RIMS2: variants seen among roughly 807,000 people sequenced by gnomAD.
The protein encoded by RIMS2 is regulating synaptic membrane exocytosis 2, also known as regulating synaptic membrane exocytosis protein 2.
In RIMS2, 59 loss-of-function variants were observed where a neutral mutation model predicts 174.4. That is an observed-to-expected ratio of 0.34 (90% confidence interval 0.27 to 0.42). The LOEUF is 0.42. Ranked by LOEUF, RIMS2 falls within the 10% of genes least tolerant of loss-of-function variation. The pLI is 1.00. For synonymous variants in RIMS2, 606 were observed against 572.5 expected (o/e 1.06, Z -0.84); for missense variants, 1,620 against 1,666.3 (o/e 0.97, Z 0.48).
chr8:103,997,607 A>G (rs867079795), intron 17 of RIMS2, among the ~76,000 whole-genome samples: 1 of 151,844 alleles, frequency 6.6e-6, no homozygotes, highest in Middle Eastern at 3.4e-3. Context: ...ATAGCATGTA[A>G]TACATAATAC....
chr8:104,127,990 T>C (rs1172368343), intron 19 of RIMS2, among the ~76,000 whole-genome samples: 1 of 152,206 alleles, frequency 6.6e-6, no homozygotes, highest in African/African-American at 2.4e-5. Context: ...GAGTATATCT[T>C]AACTCATGTA....
At chr8:104,179,935 C>T (rs1048252921) in intron 19 of RIMS2, among the ~76,000 whole-genome samples, 2 of 151,776 alleles carry the variant, frequency 1.3e-5, no homozygotes, top group African/African-American at 4.8e-5. Context: ...CAGACTTTAT[C>T]ATACATTCCA....
At chr8:104,111,595 A>T (rs1367300886) in intron 19 of RIMS2, among the ~76,000 whole-genome samples, 1 of 152,062 alleles carries the variant, frequency 6.6e-6, no homozygotes, top group Non-Finnish European at 1.5e-5. Flanking sequence ...TTTAATAGAG[A>T]TGGGGTTTCA....
intron 19 of RIMS2, among the ~76,000 whole-genome samples, chr8:104,195,975 T>G (rs1464763498): frequency 6.6e-6 from 1 of 152,162 alleles, no homozygotes. Context: ...GATAAAATGC[T>G]TAGCTCTTTA....
intron 19 of RIMS2, among the ~76,000 whole-genome samples, chr8:104,195,026 G>A (rs1367992409): frequency 2.6e-5 from 4 of 152,180 alleles, no homozygotes; most frequent in African/African-American, 9.6e-5. Flanking sequence ...ACTGCTGAAA[G>A]CTTTTTAAGC....
At chr8:103,689,125 A>C (rs1004719250) in intron 1 of RIMS2, among the ~76,000 whole-genome samples, 9 of 152,044 alleles carry the variant, frequency 5.9e-5, no homozygotes, top group African/African-American at 2.2e-4. Context: ...GTCATTCAGG[A>C]GCATATTGTT....
chr8:103,862,053 G>A (rs963458199), intron 3 of RIMS2, among the ~76,000 whole-genome samples: 4 of 151,918 alleles, frequency 2.6e-5, no homozygotes. Flanking sequence ...CTTTGCCTAG[G>A]CCAATGTCTG....
chr8:103,601,460 A>G (rs1379332328), intron 1 of RIMS2, among the ~76,000 whole-genome samples: 5 of 151,276 alleles, frequency 3.3e-5, no homozygotes, highest in African/African-American at 1.2e-4. Context: ...CTTGAAATCT[A>G]TTTTGTCTGA....
intron 3 of RIMS2, among the ~76,000 whole-genome samples, chr8:103,877,874 GT>G (rs1190803916): frequency 6.6e-6 from 1 of 151,728 alleles, no homozygotes; most frequent in Non-Finnish European, 1.5e-5. Context: ...AGCATGGGAT[GT>G]TTATCCATTT....
chr8:103,516,353 AAAAATTTC>A (rs1418481448), intron 1 of RIMS2, among the ~76,000 whole-genome samples: 2 of 152,168 alleles, frequency 1.3e-5, no homozygotes, highest in African/African-American at 4.8e-5. Flanking sequence ...CTAAAATTTC[AAAAATTTC>A]ATACTTGTAC....
chr8:103,901,895 TCTG>T (rs1332290275), intron 4 of RIMS2, among the ~76,000 whole-genome samples: 5 of 152,194 alleles, frequency 3.3e-5, no homozygotes, highest in African/African-American at 1.2e-4. Flanking sequence ...TATTCTAAAA[TCTG>T]CTGCTTTCAG....
At chr8:104,253,814 C>T (rs1225289369), downstream of RIMS2, 1 of 152,024 alleles carries the variant, frequency 6.6e-6, no homozygotes, top group Non-Finnish European at 1.5e-5. Flanking sequence ...TAGTTCAGTG[C>T]TGACCATTAA....
intron 2 of RIMS2, among the ~76,000 whole-genome samples, chr8:103,737,749 T>A (rs2097705531): frequency 6.6e-6 from 1 of 152,166 alleles, no homozygotes; most frequent in Non-Finnish European, 1.5e-5. Flanking sequence ...GGCATTTACA[T>A]ATGTTGTTTC....
At chr8:103,848,051 C>T (rs886402332) in intron 3 of RIMS2, among the ~76,000 whole-genome samples, 1 of 151,972 alleles carries the variant, frequency 6.6e-6, no homozygotes, top group Non-Finnish European at 1.5e-5. Context: ...CCACATGCCT[C>T]TTTATTAGAA....
intron 1 of RIMS2, among the ~76,000 whole-genome samples, chr8:103,583,886 G>C (rs1056837174): frequency 6.6e-6 from 1 of 151,840 alleles, no homozygotes; most frequent in Admixed American, 6.5e-5. Flanking sequence ...CATATATCAC[G>C]TGAGTGGGGG....
In RIMS2 at chr8:103,652,719, G is replaced by A; in HGVS notation, c.177-44367G>A. The A allele has an allele frequency of 2.3e-6, 3 of 1,329,680 alleles. No individual in the cohort carries two copies. The highest frequency in any genetic ancestry group is 3.0e-6 in the Non-Finnish European group (3 of 1,003,882). 82.4% of individuals were successfully genotyped at this position (1,329,680 alleles called of 1,614,324 possible). ...GAAAAGGAGCCCCAGACGTAAGTAA[G>A]CTGATCTATATAGACTAAATATTAT... On this transcript the variant is annotated intron_variant, in intron 1 of 23. Transcript: ENST00000504942.
chr8:104,176,034 C>T (rs565793903), intron 19 of RIMS2, among the ~76,000 whole-genome samples: 2 of 152,266 alleles, frequency 1.3e-5, no homozygotes, highest in East Asian at 1.9e-4. Flanking sequence ...TTCTCATTCT[C>T]TCTCTCTGTG....
At chr8:103,625,913 T>TA (rs2095771548) in intron 1 of RIMS2, among the ~76,000 whole-genome samples, 1 of 151,686 alleles carries the variant, frequency 6.6e-6, no homozygotes, top group South Asian at 2.1e-4. Flanking sequence ...GTATATATTA[T>TA]ATATATACAC....
At chr8:103,572,109 G>C (rs2092858553) in intron 1 of RIMS2, among the ~76,000 whole-genome samples, 1 of 152,128 alleles carries the variant, frequency 6.6e-6, no homozygotes, top group African/African-American at 2.4e-5. Context: ...GTTCAGAAGT[G>C]TCTGGAGTTT....
Sources: allele counts gnomAD v4.1 joint callset (sites outside exome capture counted in the v4.1 genomes callset), GRCh38; gene constraint gnomAD v4.1.1; transcripts MANE v1.5; gene names NCBI Gene and HGNC (gene_info 2026-07-23, HGNC 2026-07-21).